DACT2: variants seen among roughly 807,000 people sequenced by gnomAD.
DACT2 encodes the protein dapper homolog 2.
DACT2 carries 20 observed loss-of-function variants against 22.2 expected under a neutral mutation model. The observed-to-expected ratio is 0.90, with a 90% confidence interval of 0.63 to 1.31. The LOEUF (loss-of-function observed/expected upper bound fraction) is 1.31. Among genes scored for constraint, DACT2 ranks in the 50% most tolerant of loss-of-function variants. The pLI is 0.00. For missense variants in DACT2, 1,048 were observed against 1,061.4 expected (o/e 0.99, Z 0.18); for synonymous variants, 463 against 479.8 (o/e 0.96, Z 0.46).
intron 3 of DACT2, among the ~76,000 whole-genome samples, chr6:168,296,907 C>A (rs377038212): frequency 1.1e-4 from 16 of 152,232 alleles, no homozygotes; most frequent in African/African-American, 3.6e-4. Flanking sequence ...TGTAACTTAC[C>A]ACTCACCAAA....
At chr6:168,301,417 G>A (rs919400693) in intron 3 of DACT2, among the ~76,000 whole-genome samples, 1 of 152,180 alleles carries the variant, frequency 6.6e-6, no homozygotes, top group Non-Finnish European at 1.5e-5. Context: ...CCAGAAAGCC[G>A]ACTCCTTTTC....
Position 168,309,074 on chromosome 6 carries a change from G to T in DACT2, c.683C>A (p.Ala228Glu). Residue 228 changes from alanine (A) to glutamate (E), a missense_variant, in exon 4 of 4, where the codon GCG becomes GAG. Physicochemically the swap from Ala to Glu is moderately radical, Grantham distance 107. Coordinates refer to ENST00000366795, the MANE Select transcript of DACT2 (RefSeq NM_214462.5). Reference sequence around the variant, plus strand: ...GCTGGCTTTCTGGAGCCCCGTGTCCGCCGGCAGGGCTCTGTCAAGATCACC... The same window carrying T: ...GCTGGCTTTCTGGAGCCCCGTGTCCTCCGGCAGGGCTCTGTCAAGATCACC... ...STGDLDRALP[A>E]DTGLQKASAD... The T allele has an allele frequency of 2.6e-6, 4 of 1,533,550 alleles. No individual in the cohort carries two copies. Among genetic ancestry groups the T allele is most frequent in the Non-Finnish European group, 2.6e-6 (3 of 1,142,732 alleles). 95.0% of individuals were successfully genotyped at this position (1,533,550 alleles called of 1,614,324 possible).
At chr6:168,296,949 A>T (rs765185233) in intron 3 of DACT2, among the ~76,000 whole-genome samples, 7 of 152,212 alleles carry the variant, frequency 4.6e-5, no homozygotes, top group Non-Finnish European at 1.0e-4. Flanking sequence ...ACTCCTACAC[A>T]TCAATGAAAA....
Position 168,307,575 on chromosome 6 carries a change from C to G in DACT2, c.2182G>C (p.Ala728Pro), listed in dbSNP as rs1274251526. 3 of 1,550,432 alleles carry G rather than the reference C, an allele frequency of 1.9e-6. No individual in the cohort carries two copies. Among genetic ancestry groups the G allele is most frequent in the African/African-American group, 2.7e-5 (2 of 72,980 alleles). Reference sequence around the variant, plus strand: ...CTGACCGGGGCCTCCTGGGTCCAGGCCAGCTCCGCATGCCCGGCCGCCACA... The same window carrying G: ...CTGACCGGGGCCTCCTGGGTCCAGGGCAGCTCCGCATGCCCGGCCGCCACA... ...GYVAAGHAEL[A>P]WTQEAPVSSG... The change falls in exon 4 of 4, where the codon GCC becomes CCC. Residue 728 changes from alanine to proline, a missense_variant. Physicochemically the swap from Ala to Pro is conservative, Grantham distance 27. Coordinates refer to ENST00000366795, the MANE Select transcript of DACT2 (RefSeq NM_214462.5). This position sits in a 1 kb window ranked among gnomAD's most constrained non-coding sequence, Gnocchi z 5.3.
intron 3 of DACT2, among the ~76,000 whole-genome samples, chr6:168,294,986 C>T (rs141888015): frequency 2.0e-4 from 30 of 152,302 alleles, no homozygotes; most frequent in African/African-American, 6.7e-4. Context: ...TTCACAGCAC[C>T]GAGTCTTGCT....
intron 3 of DACT2, among the ~76,000 whole-genome samples, chr6:168,297,684 AC>A (rs1779030654): frequency 6.6e-6 from 1 of 152,246 alleles, no homozygotes; most frequent in South Asian, 2.1e-4. Context: ...ACATACAGCT[AC>A]CTGGGAGAGA....
chr6:168,304,465 C>G (rs530239251), downstream of DACT2, among the ~76,000 whole-genome samples: 1 of 152,198 alleles, frequency 6.6e-6, no homozygotes, highest in African/African-American at 2.4e-5. Flanking sequence ...TTATGACTGG[C>G]GTTCTAATTG....
rs1390445115 is a variant in DACT2 at position 168,307,750 on chromosome 6, C to T, written c.2007G>A (p.Glu669=). The part of the protein sequence containing the change: ...SDSEPSKHSA[E]CDPRFPSVIP... ...TGACTGACGGGAACCGCGGGTCACACTCGGCCGAGTGCTTGGAGGGCTCTG... is the reference window on the plus strand; with the variant it reads ...TGACTGACGGGAACCGCGGGTCACATTCGGCCGAGTGCTTGGAGGGCTCTG... The change falls in exon 4 of 4, where the codon GAG becomes GAA. Residue 669 remains glutamate, a synonymous_variant. Coordinates refer to ENST00000366795, the MANE Select transcript of DACT2 (RefSeq NM_214462.5). The surrounding 1 kb of genome is among the most constrained non-coding windows in gnomAD (Gnocchi z 5.3). The T allele has an allele frequency of 3.9e-6, 6 of 1,548,068 alleles. No homozygotes were observed. The highest frequency in any genetic ancestry group is 2.4e-5 in the South Asian group (2 of 84,052).
chr6:168,301,874 C>T (rs923826956), intron 3 of DACT2, among the ~76,000 whole-genome samples: 1 of 152,252 alleles, frequency 6.6e-6, no homozygotes, highest in South Asian at 2.1e-4. Context: ...GAACTGGGAG[C>T]TATGGGATGA....
At chr6:168,300,313 G>C (rs1779081843) in intron 3 of DACT2, 1 of 152,278 alleles carries the variant, frequency 6.6e-6, no homozygotes, top group South Asian at 2.1e-4. Context: ...CTCCAGGAGG[G>C]GTCCAGGACA....
intron 1 of DACT2, among the ~76,000 whole-genome samples, chr6:168,312,046 T>A (rs1583301265): frequency 6.6e-6 from 1 of 152,202 alleles, no homozygotes; most frequent in East Asian, 1.9e-4. Flanking sequence ...CCCCCTTCAC[T>A]ATAAGTCCCT....
intron 1 of DACT2, among the ~76,000 whole-genome samples, chr6:168,316,021 A>G (rs970788198): frequency 2.0e-5 from 3 of 152,196 alleles, no homozygotes; most frequent in African/African-American, 7.2e-5. Context: ...TGATCACATA[A>G]TCTGTCCCGA....
In DACT2 at chr6:168,307,545, C is replaced by A; in HGVS notation, c.2212G>T (p.Gly738Trp). 1.3e-6 allele frequency: 2 copies of A among 1,551,392 alleles called. No homozygotes were observed. The highest frequency in any genetic ancestry group is 8.7e-7 in the Non-Finnish European group (1 of 1,146,924). The part of the protein sequence containing the change: ...AWTQEAPVSS[G>W]PLLSPVPKLC... ...TTGGGCACGGGGGACAGGAGTGGCCCCGAGCTGACCGGGGCCTCCTGGGTC... is the reference window on the plus strand; with the variant it reads ...TTGGGCACGGGGGACAGGAGTGGCCACGAGCTGACCGGGGCCTCCTGGGTC... Residue 738 changes from glycine (G) to tryptophan (W), a missense_variant, in exon 4 of 4, where the codon GGG (glycine) becomes TGG (tryptophan). Physicochemically the swap from Gly to Trp is radical, Grantham distance 184. Coordinates refer to ENST00000366795, the MANE Select transcript of DACT2 (RefSeq NM_214462.5). This position sits in a 1 kb window ranked among gnomAD's most constrained non-coding sequence, Gnocchi z 5.3.
intron 1 of DACT2, among the ~76,000 whole-genome samples, chr6:168,314,776 A>G (rs913587787): frequency 1.3e-5 from 2 of 152,182 alleles, no homozygotes; most frequent in African/African-American, 4.8e-5. Context: ...GGATGCACAA[A>G]GGAAACATTC....
chr6:168,312,258 C>T (rs1425743591), intron 1 of DACT2, among the ~76,000 whole-genome samples: 2 of 151,822 alleles, frequency 1.3e-5, no homozygotes, highest in Admixed American at 6.6e-5. Flanking sequence ...TGCAGTGGTG[C>T]GATCACGGCT....
chr6:168,300,843 A>C (rs112490268), intron 3 of DACT2, among the ~76,000 whole-genome samples: 1 of 151,994 alleles, frequency 6.6e-6, no homozygotes, highest in Admixed American at 6.6e-5. Flanking sequence ...AAAATTAGCC[A>C]GGCGTGGTGG....
chr6:168,297,152 G>T (rs1187114394), intron 3 of DACT2, among the ~76,000 whole-genome samples: 2 of 152,224 alleles, frequency 1.3e-5, no homozygotes, highest in Non-Finnish European at 2.9e-5. Context: ...TGTTTTGGAA[G>T]TGAGAAAGTT....
chr6:168,318,456 G>C (rs190259941), intron 1 of DACT2, among the ~76,000 whole-genome samples: 4 of 152,234 alleles, frequency 2.6e-5, no homozygotes, highest in African/African-American at 9.6e-5. Context: ...GCTTCACCTG[G>C]GCAACATTTA....
intron 1 of DACT2, among the ~76,000 whole-genome samples, chr6:168,319,070 C>G (rs1389976043): frequency 6.6e-6 from 1 of 152,138 alleles, no homozygotes; most frequent in Non-Finnish European, 1.5e-5. Context: ...AACCCTGTAA[C>G]GAACAGGGTG....
Sources: allele counts gnomAD v4.1 joint callset (sites outside exome capture counted in the v4.1 genomes callset), GRCh38; gene constraint gnomAD v4.1.1; non-coding constraint Gnocchi (gnomAD v3.1); transcripts MANE v1.5; gene names NCBI Gene and HGNC (gene_info 2026-07-23, HGNC 2026-07-21).